The following CCDC158 variants were observed in gnomAD, a reference collection of about 807,000 sequenced individuals.
The protein encoded by CCDC158 is coiled-coil domain containing 158, also known as coiled-coil domain-containing protein 158.
In CCDC158, 116 loss-of-function variants were observed where a neutral mutation model predicts 138.6. That is an observed-to-expected ratio of 0.84 (90% CI 0.72 to 0.98). The LOEUF (loss-of-function observed/expected upper bound fraction) is 0.98, where lower values mean the gene tolerates loss of function less well. CCDC158 is among the 50% of genes least tolerant of loss of function. The probability of loss-of-function intolerance (pLI) is 0.00; values close to 1 mark genes in which losing one functional copy is unlikely to be tolerated. For synonymous variants in CCDC158, 436 were observed against 442.4 expected (o/e 0.99, Z 0.18); for missense variants, 1,265 against 1,306.1 (o/e 0.97, Z 0.48).
intron 24 of CCDC158, among the ~76,000 whole-genome samples, chr4:76,315,339 CTGATCACAAA>C (rs1308896856): frequency 1.3e-5 from 2 of 152,174 alleles, no homozygotes; most frequent in African/African-American, 4.8e-5. Flanking sequence ...GCCCTGGTAG[CTGATCACAAA>C]ACACACAAAC....
chr4:76,364,592 TTTC>T (rs1383709657), intron 12 of CCDC158, among the ~76,000 whole-genome samples: 1 of 152,260 alleles, frequency 6.6e-6, no homozygotes, highest in Non-Finnish European at 1.5e-5. Context: ...TAATTTCACA[TTTC>T]TTTTATGTGT....
At chr4:76,380,646 T>A (rs1249951494) in intron 8 of CCDC158, among the ~76,000 whole-genome samples, 3 of 152,172 alleles carry the variant, frequency 2.0e-5, no homozygotes, top group Non-Finnish European at 4.4e-5. Flanking sequence ...CCTGACCATG[T>A]GGTAGAAAAG....
chr4:76,329,499 G>C (rs1214457399), intron 21 of CCDC158, among the ~76,000 whole-genome samples: 1 of 152,140 alleles, frequency 6.6e-6, no homozygotes, highest in Non-Finnish European at 1.5e-5. Flanking sequence ...CAGGAGAATG[G>C]CGTGAACCTA....
At chr4:76,350,248 G>A (rs933417489) in intron 18 of CCDC158, among the ~76,000 whole-genome samples, 10 of 152,090 alleles carry the variant, frequency 6.6e-5, no homozygotes, top group African/African-American at 2.2e-4. Context: ...ATGTTTCAGC[G>A]CACACATCTT....
At chr4:76,383,165 C>A (rs1043834528) in intron 7 of CCDC158, among the ~76,000 whole-genome samples, 2 of 152,170 alleles carry the variant, frequency 1.3e-5, no homozygotes, top group Non-Finnish European at 2.9e-5. Flanking sequence ...CTTCTGAGGC[C>A]TCTTTTCAAC....
intron 1 of CCDC158, among the ~76,000 whole-genome samples, chr4:76,412,430 T>C (rs1188971042): frequency 6.6e-6 from 1 of 152,026 alleles, no homozygotes; most frequent in African/African-American, 2.4e-5. Flanking sequence ...CTAGGCCACA[T>C]AGTAAGACCT....
At chr4:76,394,375 G>A (rs1727583066) in intron 4 of CCDC158, among the ~76,000 whole-genome samples, 1 of 152,088 alleles carries the variant, frequency 6.6e-6, no homozygotes, top group Admixed American at 6.6e-5. Flanking sequence ...AATAAGCCAG[G>A]CACAGAAAGG....
chr4:76,314,516 C>T (rs947682861), intron 24 of CCDC158, among the ~76,000 whole-genome samples: 1 of 152,176 alleles, frequency 6.6e-6, no homozygotes, highest in Non-Finnish European at 1.5e-5. Flanking sequence ...AAAAAAGTGG[C>T]ATGCCACTGC....
At position 76,384,719 on chromosome 4, in the gene CCDC158, T is replaced by C. The variant is rs931714855; in HGVS notation, c.289-54A>G. The C allele has an allele frequency of 5.0e-6, 6 of 1,206,794 alleles. No homozygotes were observed. The African/African-American group carries it at 9.1e-5, about 18-fold the overall frequency. 74.8% of individuals were successfully genotyped at this position (1,206,794 alleles called of 1,614,324 possible). ...TTCATTAGAGAAACACATTTCCTTA[T>C]AGCTAGTAACTTCCAAAGATCTATA... On this transcript the variant is annotated intron_variant, in intron 4 of 24. Transcript: ENST00000682701.
At chr4:76,382,548 A>G in intron 8 of CCDC158, 62 bp downstream of exon 8, 1 of 1,026,810 alleles carries the variant, frequency 9.7e-7, no homozygotes, top group Non-Finnish European at 1.5e-6. Flanking sequence ...ATAGAACAGA[A>G]AGTTAATGAG....
chr4:76,400,335 G>A (rs10025383), intron 3 of CCDC158, among the ~76,000 whole-genome samples: 4,353 of 146,122 alleles, frequency 0.03, 215 homozygotes, highest in African/African-American at 0.1. Context: ...GTTCTTACTC[G>A]TAGATGGGAA....
intron 4 of CCDC158, among the ~76,000 whole-genome samples, chr4:76,391,884 G>A (rs1215043976): frequency 6.6e-6 from 1 of 152,000 alleles, no homozygotes; most frequent in East Asian, 1.9e-4. Context: ...GCTACTATGA[G>A]TGATTACATG....
chr4:76,384,066 A>G (rs1290406823), intron 6 of CCDC158, 22 bp downstream of exon 6: 1 of 1,457,910 alleles, frequency 6.9e-7, no homozygotes, highest in East Asian at 2.3e-5. Flanking sequence ...AAAATTATTT[A>G]AGTAGCATTC....
chr4:76,350,209 A>C (rs892540469), intron 18 of CCDC158, among the ~76,000 whole-genome samples: 2 of 152,168 alleles, frequency 1.3e-5, no homozygotes, highest in Admixed American at 6.5e-5. Flanking sequence ...CTATTGTTTG[A>C]TAGACTACTC....
At chr4:76,342,802 C>A (rs1722181336) in intron 18 of CCDC158, among the ~76,000 whole-genome samples, 1 of 152,114 alleles carries the variant, frequency 6.6e-6, no homozygotes, top group South Asian at 2.1e-4. Flanking sequence ...ACTTACAGTA[C>A]CTGCACAGAA....
rs535482690 is a variant in CCDC158, at chr4:76,327,090, G to A, written c.3011-1075C>T. On this transcript the variant is annotated intron_variant, in intron 22 of 24. Transcript: ENST00000682701. ...TAATATATTCTAAGGTACTGCCAAT[G>A]TATGAGAAAAGGTAAAAGCATTCAT... Among the ~76,000 whole-genome samples the A allele has an allele frequency of 6.6e-5, 10 of 152,212 alleles. No individual in the cohort carries two copies. In the East Asian group the frequency reaches 1.9e-3, roughly 29 times the overall value.
chr4:76,409,702 G>A (rs1438688847), intron 2 of CCDC158, among the ~76,000 whole-genome samples: 1 of 151,990 alleles, frequency 6.6e-6, no homozygotes, highest in African/African-American at 2.4e-5. Flanking sequence ...GTGGTGGCGG[G>A]CGCCTGTATT....
intron 9 of CCDC158, among the ~76,000 whole-genome samples, chr4:76,378,034 A>G (rs1725875675): frequency 6.6e-6 from 1 of 152,212 alleles, no homozygotes; most frequent in Admixed American, 6.5e-5. Flanking sequence ...CACTGCTGTA[A>G]AGGACCCACA....
chr4:76,356,287 ACAT>A (rs1207957099), intron 14 of CCDC158, among the ~76,000 whole-genome samples: 1 of 152,212 alleles, frequency 6.6e-6, no homozygotes, highest in African/African-American at 2.4e-5. Context: ...TAAAAGTCTG[ACAT>A]CATTTGCTCA....
Sources: allele counts gnomAD v4.1 joint callset (sites outside exome capture counted in the v4.1 genomes callset), GRCh38; gene constraint gnomAD v4.1.1; transcripts MANE v1.5; gene names NCBI Gene and HGNC (gene_info 2026-07-23, HGNC 2026-07-21).